Variants in EPHB1 observed in about 807,000 individuals in gnomAD.
EPHB1 encodes EPH receptor B1, also known as ephrin type-B receptor 1.
EPHB1 carries 30 observed loss-of-function variants against 94.4 expected under a neutral mutation model. The ratio of observed to expected loss-of-function variants is 0.32; its 90% CI spans 0.24 to 0.43. EPHB1 has a LOEUF of 0.43. EPHB1 is among the 20% of genes least tolerant of loss of function. The probability of loss-of-function intolerance (pLI) is 1.00; values close to 1 mark genes in which losing one functional copy is unlikely to be tolerated. For synonymous variants in EPHB1, 522 were observed against 489.1 expected (o/e 1.07, Z -0.89); for missense variants, 1,055 against 1,308.3 (o/e 0.81, Z 2.99).
intron 3 of EPHB1, among the ~76,000 whole-genome samples, chr3:135,043,961 C>A (rs1343681047): frequency 6.6e-6 from 1 of 152,196 alleles, no homozygotes; most frequent in Non-Finnish European, 1.5e-5. Context: ...CTTTGCAGGT[C>A]TGAATGTCAG....
chr3:134,812,998 C>T (rs1578105965), intron 1 of EPHB1, among the ~76,000 whole-genome samples: 1 of 152,174 alleles, frequency 6.6e-6, no homozygotes, highest in Admixed American at 6.5e-5. Flanking sequence ...AGTGACCCCA[C>T]TCACACTATT....
chr3:134,925,735 T>G (rs1272718582), intron 1 of EPHB1, 81 bp from the exon 2 acceptor site: 2 of 1,208,302 alleles, frequency 1.7e-6, no homozygotes, highest in African/African-American at 3.1e-5. Context: ...CACAAACAAC[T>G]TCGTGACCTT....
chr3:134,800,351 T>TA (rs1333606744), intron 1 of EPHB1, among the ~76,000 whole-genome samples: 2 of 152,236 alleles, frequency 1.3e-5, no homozygotes, highest in Non-Finnish European at 2.9e-5. Flanking sequence ...AATATATAGC[T>TA]AATCCTTAAA....
At chr3:135,107,786 A>G (rs11718934) in intron 4 of EPHB1, among the ~76,000 whole-genome samples, 32,368 of 152,058 alleles carry the variant, frequency 0.21, 4,308 homozygotes, top group Non-Finnish European at 0.3. Context: ...AGTTCAATCA[A>G]TGTGTATAGA....
At chr3:134,972,958 C>T (rs1286119978) in intron 3 of EPHB1, among the ~76,000 whole-genome samples, 3 of 152,236 alleles carry the variant, frequency 2.0e-5, no homozygotes. Context: ...TGTTCCTGCA[C>T]ATCCCAGGTT....
intron 1 of EPHB1, among the ~76,000 whole-genome samples, chr3:134,924,952 A>G (rs2038760634): frequency 6.6e-6 from 1 of 152,260 alleles, no homozygotes; most frequent in Non-Finnish European, 1.5e-5. Context: ...AAGGGACTAA[A>G]TAAACTTTTG....
chr3:135,208,909 G>A (rs566949635), intron 12 of EPHB1, among the ~76,000 whole-genome samples: 1 of 152,244 alleles, frequency 6.6e-6, no homozygotes, highest in African/African-American at 2.4e-5. Flanking sequence ...CCCTTCCAAG[G>A]CCTGGAGAGG....
At chr3:134,945,785 A>G (rs1421038121) in intron 2 of EPHB1, among the ~76,000 whole-genome samples, 1 of 152,250 alleles carries the variant, frequency 6.6e-6, no homozygotes, top group African/African-American at 2.4e-5. Context: ...CAGCCATTGA[A>G]TGGAAGATCT....
At position 134,853,909 on chromosome 3, in the gene EPHB1, A is replaced by G. The variant is rs79616338; in HGVS notation, c.58+58220A>G. Among the ~76,000 whole-genome samples the G allele has an allele frequency of 2.9e-3, 434 of 152,280 alleles. 3 individuals are homozygous for G. Among genetic ancestry groups the G allele is most frequent in the Non-Finnish European group, 4.4e-3 (299 of 68,010 alleles). On this transcript the variant is annotated intron_variant, in intron 1 of 15. Coordinates refer to ENST00000398015, the MANE Select transcript of EPHB1 (RefSeq NM_004441.5). ...TGTCCTCATCCAGGACAGAGAGCCC[A>G]TCCATCATGGAGTCCTTCCTGGGAG...
At chr3:134,944,243 C>T (rs532277875) in intron 2 of EPHB1, among the ~76,000 whole-genome samples, 3 of 152,304 alleles carry the variant, frequency 2.0e-5, no homozygotes, top group African/African-American at 7.2e-5. Flanking sequence ...ACACAGCTTT[C>T]CTCACTTAGC....
chr3:134,810,248 G>C (rs1206269530), intron 1 of EPHB1, among the ~76,000 whole-genome samples: 2 of 150,742 alleles, frequency 1.3e-5, no homozygotes, highest in Non-Finnish European at 2.9e-5. Context: ...TTCCATTCAC[G>C]GGCTTGAAGC....
At chr3:134,986,958 C>A (rs1442387437) in intron 3 of EPHB1, among the ~76,000 whole-genome samples, 2 of 152,128 alleles carry the variant, frequency 1.3e-5, no homozygotes, top group Non-Finnish European at 2.9e-5. Flanking sequence ...AGTCTTCTCA[C>A]CTCTGTCAGA....
rs368082228 is a variant in EPHB1 at position 135,086,630 on chromosome 3, C to T, written c.806-19818C>T. On this transcript the variant is annotated intron_variant, in intron 3 of 15. Transcript: ENST00000398015. ...CTAGTAAACTATGAATGCTTCAAAG[C>T]CTGCATCAGTTGTCATCTCCACCAG... 1.9e-3 allele frequency among the ~76,000 whole-genome samples: 288 copies of T among 152,036 alleles called. 5 individuals carry two copies. The highest frequency in any genetic ancestry group is 6.7e-3 in the African/African-American group (279 of 41,496).
chr3:135,232,435 G>A (rs1331921643), intron 12 of EPHB1, among the ~76,000 whole-genome samples: 1 of 152,172 alleles, frequency 6.6e-6, no homozygotes, highest in African/African-American at 2.4e-5. Flanking sequence ...TCGCAAGCAG[G>A]TGCTATACCC....
At chr3:135,063,566 T>A (rs1424674924) in intron 3 of EPHB1, among the ~76,000 whole-genome samples, 2 of 152,220 alleles carry the variant, frequency 1.3e-5, no homozygotes, top group Non-Finnish European at 1.5e-5. Context: ...CTGAATTCTT[T>A]TATCAGTTCT....
At chr3:134,899,307 G>T (rs2038150519) in intron 1 of EPHB1, among the ~76,000 whole-genome samples, 1 of 152,134 alleles carries the variant, frequency 6.6e-6, no homozygotes, top group African/African-American at 2.4e-5. Context: ...TCTAGGTAGG[G>T]AGTGAGATTG....
rs551231286 is a variant in EPHB1, at chr3:135,079,145, A to ACAGTTACC, written c.806-27300_806-27293dup. Among the ~76,000 whole-genome samples the ACAGTTACC allele has an allele frequency of 6.4e-3, 975 of 152,192 alleles. 13 individuals carry two copies. Among genetic ancestry groups the ACAGTTACC allele is most frequent in the African/African-American group, 0.022 (932 of 41,528 alleles). On this transcript the variant is annotated intron_variant, in intron 3 of 15. Coordinates refer to ENST00000398015, the MANE Select transcript of EPHB1 (RefSeq NM_004441.5). ...CCCCCAAAAACCAAAGAAACACTAA[A>ACAGTTACC]CAGTTACCCATGATCGCATCTTCTC... is the stretch of plus-strand genomic sequence containing the variant.
chr3:134,829,670 T>G (rs1455930292), intron 1 of EPHB1, among the ~76,000 whole-genome samples: 1 of 152,202 alleles, frequency 6.6e-6, no homozygotes, highest in African/African-American at 2.4e-5. Flanking sequence ...GTTAAAATCT[T>G]AATCCCCAGA....
intron 3 of EPHB1, among the ~76,000 whole-genome samples, chr3:134,974,989 CT>C (rs200332900): frequency 0.028 from 4,303 of 152,232 alleles, 92 homozygotes; most frequent in South Asian, 0.063. Context: ...TTTTCCTCCC[CT>C]CTCTCCATCT....
Sources: allele counts gnomAD v4.1 joint callset (sites outside exome capture counted in the v4.1 genomes callset), GRCh38; gene constraint gnomAD v4.1.1; transcripts MANE v1.5; gene names NCBI Gene and HGNC (gene_info 2026-07-23, HGNC 2026-07-21).